The following KCNB2 variants were observed in gnomAD, a reference collection of about 807,000 sequenced individuals.
KCNB2 encodes delayed rectifier potassium channel protein.
A neutral mutation model predicts 61.5 loss-of-function variants in KCNB2; 15 were observed. The ratio of observed to expected loss-of-function variants is 0.24; its 90% CI spans 0.16 to 0.38. KCNB2 has a LOEUF of 0.38. Ranked by LOEUF, KCNB2 falls within the 10% of genes least tolerant of loss-of-function variation. The probability of loss-of-function intolerance (pLI) is 1.00; values close to 1 mark genes in which losing one functional copy is unlikely to be tolerated. For synonymous variants in KCNB2, 457 were observed against 446.0 expected (o/e 1.02, Z -0.31); for missense variants, 828 against 1,125.2 (o/e 0.74, Z 3.78).
intron 2 of KCNB2, among the ~76,000 whole-genome samples, chr8:72,819,494 G>A (rs1053476812): frequency 5.3e-5 from 8 of 151,970 alleles, no homozygotes; most frequent in Non-Finnish European, 1.0e-4. Flanking sequence ...AATCCTTCTG[G>A]GACTACAGGT....
intron 2 of KCNB2, among the ~76,000 whole-genome samples, chr8:72,617,193 C>G (rs1805632986): frequency 6.6e-6 from 1 of 152,176 alleles, no homozygotes; most frequent in African/African-American, 2.4e-5. Flanking sequence ...CCTTATGTCA[C>G]CTTCTGCCTG....
At chr8:72,677,383 G>C (rs2439335) in intron 2 of KCNB2, among the ~76,000 whole-genome samples, 41,051 of 152,086 alleles carry the variant, frequency 0.27, 9,989 homozygotes, top group African/African-American at 0.65. Flanking sequence ...TTGTCTTCTC[G>C]ATCCTCAGGA....
chr8:72,656,907 T>C (rs964942487), intron 2 of KCNB2, among the ~76,000 whole-genome samples: 1 of 152,120 alleles, frequency 6.6e-6, no homozygotes, highest in African/African-American at 2.4e-5. Context: ...AAGGAAGCAT[T>C]GTGTTGCCTG....
chr8:72,718,739 A>C (rs1168823943), intron 2 of KCNB2, among the ~76,000 whole-genome samples: 1 of 152,054 alleles, frequency 6.6e-6, no homozygotes, highest in Non-Finnish European at 1.5e-5. Flanking sequence ...GGTGCAGCAC[A>C]CCAACATGGC....
At chr8:72,822,107 T>G (rs1410693325) in intron 2 of KCNB2, among the ~76,000 whole-genome samples, 1 of 152,248 alleles carries the variant, frequency 6.6e-6, no homozygotes, top group Non-Finnish European at 1.5e-5. Flanking sequence ...ACTGTCTTGC[T>G]TAAAACCCTT....
chr8:72,847,973 A>G (rs974546203), intron 2 of KCNB2, among the ~76,000 whole-genome samples: 2 of 152,058 alleles, frequency 1.3e-5, no homozygotes, highest in Non-Finnish European at 2.9e-5. Flanking sequence ...TCTCCCCCTA[A>G]ACACTCATTC....
intron 2 of KCNB2, among the ~76,000 whole-genome samples, chr8:72,581,678 G>A (rs774766648): frequency 2.6e-5 from 4 of 152,260 alleles, no homozygotes; most frequent in South Asian, 2.1e-4. Context: ...ATGGTTGTAC[G>A]TTTTCGATAT....
At chr8:72,807,771 G>T (rs977295715) in intron 2 of KCNB2, among the ~76,000 whole-genome samples, 3 of 152,102 alleles carry the variant, frequency 2.0e-5, no homozygotes, top group Non-Finnish European at 2.9e-5. Flanking sequence ...TTTGGGTCAC[G>T]CATTTCTTCA....
intron 2 of KCNB2, among the ~76,000 whole-genome samples, chr8:72,886,058 T>C (rs1805802402): frequency 6.6e-6 from 1 of 152,246 alleles, no homozygotes; most frequent in African/African-American, 2.4e-5. Context: ...AAATTATCTT[T>C]CCCTATATCA....
At chr8:72,871,438 A>C (rs1377604869) in intron 2 of KCNB2, among the ~76,000 whole-genome samples, 1 of 152,250 alleles carries the variant, frequency 6.6e-6, no homozygotes, top group Non-Finnish European at 1.5e-5. Flanking sequence ...ATCAAATTTC[A>C]TGAGAAGGAG....
intron 2 of KCNB2, among the ~76,000 whole-genome samples, chr8:72,894,113 T>C (rs1158280251): frequency 6.6e-6 from 1 of 152,122 alleles, no homozygotes; most frequent in Non-Finnish European, 1.5e-5. Context: ...GGTAGGTGAA[T>C]GATGAAGGTC....
At chr8:72,696,874 A>G (rs1363375011) in intron 2 of KCNB2, among the ~76,000 whole-genome samples, 1 of 152,174 alleles carries the variant, frequency 6.6e-6, no homozygotes, top group Non-Finnish European at 1.5e-5. Flanking sequence ...GGGAAAGGCA[A>G]ACAAAAAAGA....
chr8:72,727,895 A>G (rs1807679337), intron 2 of KCNB2, among the ~76,000 whole-genome samples: 1 of 152,254 alleles, frequency 6.6e-6, no homozygotes, highest in Non-Finnish European at 1.5e-5. Flanking sequence ...TGGAGTGCAC[A>G]TAAATAATAG....
At chr8:72,746,376 G>A (rs1404949079) in intron 2 of KCNB2, among the ~76,000 whole-genome samples, 1 of 152,164 alleles carries the variant, frequency 6.6e-6, no homozygotes, top group Non-Finnish European at 1.5e-5. Flanking sequence ...CCAATTGAGA[G>A]TGGTCATAAA....
At chr8:72,841,770 C>T (rs1005758755) in intron 2 of KCNB2, among the ~76,000 whole-genome samples, 2 of 152,142 alleles carry the variant, frequency 1.3e-5, no homozygotes, top group African/African-American at 4.8e-5. Context: ...GATTTTTGCA[C>T]ATTGATTTTG....
chr8:72,725,051 A>T (rs1807609579), intron 2 of KCNB2, among the ~76,000 whole-genome samples: 2 of 152,154 alleles, frequency 1.3e-5, no homozygotes, highest in Non-Finnish European at 2.9e-5. Context: ...ATCTCTAGAA[A>T]ATCAATCACT....
intron 1 of KCNB2, among the ~76,000 whole-genome samples, chr8:72,561,778 G>GACATATATATATATATACAT (rs1563523650): frequency 7.3e-4 from 25 of 34,326 alleles, no homozygotes; most frequent in African/African-American, 2.5e-3. Flanking sequence ...TATATATATG[G>GACATATATATATATATACAT]ATATATATAT....
At chr8:72,722,199 A>G (rs1277470317) in intron 2 of KCNB2, among the ~76,000 whole-genome samples, 2 of 152,178 alleles carry the variant, frequency 1.3e-5, no homozygotes, top group African/African-American at 4.8e-5. Flanking sequence ...CCCCAGCAGC[A>G]TGCACCTCCT....
At chr8:72,581,466 A>G (rs1585764537) in intron 2 of KCNB2, among the ~76,000 whole-genome samples, 1 of 152,238 alleles carries the variant, frequency 6.6e-6, no homozygotes, top group Non-Finnish European at 1.5e-5. Flanking sequence ...CTCCTGACAC[A>G]TAAAGAACAC....
Sources: gnomAD v4.1 joint callset for allele counts (sites outside exome capture counted in the v4.1 genomes callset) on GRCh38, gnomAD v4.1.1 for gene constraint, MANE v1.5 for transcripts, NCBI Gene and HGNC (gene_info 2026-07-23, HGNC 2026-07-21) for gene names.